SAV1: variants seen among roughly 807,000 people sequenced by gnomAD.
The protein encoded by SAV1 is salvador family WW domain containing protein 1.
A neutral mutation model predicts 47.3 loss-of-function variants in SAV1; 23 were observed. The observed-to-expected ratio is 0.49, with a 90% CI of 0.35 to 0.69. The LOEUF (loss-of-function observed/expected upper bound fraction) is 0.69, where lower values mean the gene tolerates loss of function less well. SAV1 is among the 30% of genes least tolerant of loss of function. The pLI is 0.01. For missense variants in SAV1, 448 were observed against 457.4 expected (o/e 0.98, Z 0.19); for synonymous variants, 155 against 159.2 (o/e 0.97, Z 0.20).
intron 3 of SAV1, among the ~76,000 whole-genome samples, chr14:50,643,925 T>C (rs2039700451): frequency 6.6e-6 from 1 of 152,248 alleles, no homozygotes; most frequent in South Asian, 2.1e-4. Context: ...AACTGTATTA[T>C]GCCAGATGAC....
chr14:50,653,782 T>A (rs2039789971), intron 2 of SAV1, among the ~76,000 whole-genome samples: 1 of 152,036 alleles, frequency 6.6e-6, no homozygotes, highest in African/African-American at 2.4e-5. Context: ...GGCAGCAGAA[T>A]TGCTTGAACC....
intron 2 of SAV1, among the ~76,000 whole-genome samples, chr14:50,657,080 G>A (rs943578004): frequency 4.0e-5 from 6 of 149,882 alleles, no homozygotes; most frequent in Non-Finnish European, 8.9e-5. Flanking sequence ...ATGCTGGAGG[G>A]CAGTGGCACA....
chr14:50,664,246 A>T (rs2039882769), intron 2 of SAV1: 1 of 152,210 alleles, frequency 6.6e-6, no homozygotes, highest in South Asian at 2.1e-4. Context: ...AACGCTAGAC[A>T]CATAAACAGT....
chr14:50,659,378 G>A (rs1010787696), intron 2 of SAV1, among the ~76,000 whole-genome samples: 3 of 152,090 alleles, frequency 2.0e-5, no homozygotes, highest in African/African-American at 7.2e-5. Flanking sequence ...ACACCCTCAA[G>A]ATTAAAATTA....
chr14:50,643,017 T>TAA (rs2039692691), intron 3 of SAV1, among the ~76,000 whole-genome samples: 1 of 152,190 alleles, frequency 6.6e-6, no homozygotes, highest in Non-Finnish European at 1.5e-5. Flanking sequence ...ATACCACAGG[T>TAA]GGTTGTTCTC....
intron 2 of SAV1, among the ~76,000 whole-genome samples, chr14:50,646,245 T>C (rs2039720511): frequency 6.6e-6 from 1 of 152,208 alleles, no homozygotes; most frequent in Admixed American, 6.5e-5. Flanking sequence ...TGAACAATTA[T>C]TATAATAAAA....
At position 50,634,571 on chromosome 14, in the gene SAV1, A is replaced by G. The variant is rs762909407; in HGVS notation, c.*612T>C. On this transcript the variant is annotated 3_prime_UTR_variant, in exon 5 of 5. Transcript: ENST00000324679. The stretch of plus-strand genomic sequence containing the variant: ...TCACCATGTTGCCCAGGCTGGTCTT[A>G]AACTCGTGGACTCAAGCGGTCCACC... The G allele has an allele frequency of 6.2e-6, 1 of 160,412 alleles. No homozygotes were observed. Among genetic ancestry groups the G allele is most frequent in the Non-Finnish European group, 1.4e-5 (1 of 73,368 alleles). The allele number at this position is 160,412 out of a possible 1,614,324, so 9.9% of individuals were successfully genotyped here.
intron 4 of SAV1, among the ~76,000 whole-genome samples, chr14:50,638,854 G>A (rs1405765556): frequency 2.0e-5 from 3 of 151,628 alleles, no homozygotes; most frequent in South Asian, 2.1e-4. Flanking sequence ...TGCAACCTCC[G>A]CCTCCCGGGT....
intron 2 of SAV1, among the ~76,000 whole-genome samples, chr14:50,657,499 T>C (rs2140261127): frequency 6.6e-6 from 1 of 152,328 alleles, no homozygotes; most frequent in South Asian, 2.1e-4. Flanking sequence ...TAAGGTCAAA[T>C]GCAAACCTGT....
intron 3 of SAV1, among the ~76,000 whole-genome samples, chr14:50,642,092 G>A (rs1204146249): frequency 3.3e-5 from 5 of 152,166 alleles, no homozygotes; most frequent in Non-Finnish European, 7.3e-5. Flanking sequence ...ATTATCCTAA[G>A]TGAATTAATG....
intron 2 of SAV1, among the ~76,000 whole-genome samples, chr14:50,647,598 G>T (rs537764729): frequency 1.6e-4 from 25 of 151,606 alleles, no homozygotes; most frequent in Non-Finnish European, 2.9e-4. Context: ...AAAACAAAAC[G>T]ACCCAGTTAA....
chr14:50,638,279 T>G (rs2039652888), intron 4 of SAV1, among the ~76,000 whole-genome samples: 1 of 152,230 alleles, frequency 6.6e-6, no homozygotes, highest in Non-Finnish European at 1.5e-5. Context: ...TCCACAAGTT[T>G]AACTTTTAGT....
At chr14:50,647,032 A>T (rs1364596910) in intron 2 of SAV1, among the ~76,000 whole-genome samples, 1 of 152,200 alleles carries the variant, frequency 6.6e-6, no homozygotes, top group Non-Finnish European at 1.5e-5. Flanking sequence ...TGTTGCAACA[A>T]CTGGACATCC....
At chr14:50,645,057 A>T (rs1230132526) in intron 2 of SAV1, 43 bp from the exon 3 acceptor site, 4 of 1,547,958 alleles carry the variant, frequency 2.6e-6, no homozygotes, top group Non-Finnish European at 3.5e-6. Flanking sequence ...CAGAACAATT[A>T]TTCAATGCAA....
intron 3 of SAV1, among the ~76,000 whole-genome samples, chr14:50,643,248 G>T (rs532334863): frequency 6.6e-6 from 1 of 152,214 alleles, no homozygotes; most frequent in Non-Finnish European, 1.5e-5. Flanking sequence ...AATGATGATT[G>T]TATTAGTCTA....
chr14:50,666,703 T>G (rs1057333586), intron 1 of SAV1, among the ~76,000 whole-genome samples: 3 of 152,096 alleles, frequency 2.0e-5, no homozygotes, highest in Non-Finnish European at 4.4e-5. Context: ...CTGATAAACT[T>G]TATTTGCAGC....
At chr14:50,641,833 C>A (rs1199392324) in intron 3 of SAV1, among the ~76,000 whole-genome samples, 1 of 152,168 alleles carries the variant, frequency 6.6e-6, no homozygotes, top group Non-Finnish European at 1.5e-5. Flanking sequence ...AACTATCATT[C>A]AATCCAGCAG....
chr14:50,648,026 A>G (rs761373284), intron 2 of SAV1, among the ~76,000 whole-genome samples: 1 of 152,266 alleles, frequency 6.6e-6, no homozygotes, highest in Non-Finnish European at 1.5e-5. Flanking sequence ...TATTTGCCCC[A>G]AAGTGGAAAT....
At chr14:50,656,877 C>T (rs923908) in intron 2 of SAV1, among the ~76,000 whole-genome samples, 72,527 of 151,946 alleles carry the variant, frequency 0.48, 18,289 homozygotes, top group East Asian at 0.73. Flanking sequence ...TAAAGCATTA[C>T]CAAAACAGAT....
Sources: allele counts gnomAD v4.1 joint callset (sites outside exome capture counted in the v4.1 genomes callset), GRCh38; gene constraint gnomAD v4.1.1; transcripts MANE v1.5; gene names NCBI Gene and HGNC (gene_info 2026-07-23, HGNC 2026-07-21).